HTT-AS: variants seen among roughly 807,000 people sequenced by gnomAD.
The protein encoded by HTT-AS is HTT antisense RNA.
chr4:3,069,823 C>G (rs1437531167), intron 1 of HTT-AS, among the ~76,000 whole-genome samples: 1 of 152,204 alleles, frequency 6.6e-6, no homozygotes, highest in Admixed American at 6.5e-5. Flanking sequence ...CTGTTTTGCC[C>G]TCACACCTGC....
At chr4:3,051,361 G>A (rs954386978) in intron 2 of HTT-AS, among the ~76,000 whole-genome samples, 7 of 152,104 alleles carry the variant, frequency 4.6e-5, no homozygotes, top group African/African-American at 1.7e-4. Context: ...CACCGCGCCT[G>A]GCCTTTTGCC....
intron 2 of HTT-AS, among the ~76,000 whole-genome samples, chr4:3,059,005 C>G (rs567315025): frequency 7.1e-4 from 108 of 152,304 alleles, no homozygotes; most frequent in Middle Eastern, 6.8e-3. Context: ...CAAGCATGAG[C>G]TACCCCACCC....
exon 1 of HTT-AS, chr4:3,074,518 T>C (rs1400919887): frequency 1.1e-5 from 3 of 282,336 alleles, no homozygotes. Flanking sequence ...CCTTGCTGTG[T>C]GAGGCAGAAC....
intron 1 of HTT-AS, among the ~76,000 whole-genome samples, chr4:3,072,208 A>G (rs1712189290): frequency 6.6e-6 from 1 of 152,178 alleles, no homozygotes; most frequent in Admixed American, 6.5e-5. Flanking sequence ...TCCCTTTCCA[A>G]TCTCACGTGG....
At chr4:3,049,949 T>C (rs867357797) in intron 2 of HTT-AS, among the ~76,000 whole-genome samples, 58 of 133,986 alleles carry the variant, frequency 4.3e-4, no homozygotes, top group Middle Eastern at 3.8e-3. Context: ...CACACACACA[T>C]ATACACTTTT....
intron 2 of HTT-AS, among the ~76,000 whole-genome samples, chr4:3,057,178 C>T (rs1421470201): frequency 2.0e-5 from 3 of 152,088 alleles, no homozygotes; most frequent in East Asian, 1.9e-4. Context: ...GGACTACAGG[C>T]GCCTGCCACC....
chr4:3,068,366 C>A (rs1712095861), intron 1 of HTT-AS, among the ~76,000 whole-genome samples: 1 of 140,954 alleles, frequency 7.1e-6, no homozygotes, highest in Non-Finnish European at 1.5e-5. Context: ...TGAAAGGAAG[C>A]AACTGCCGCC....
intron 2 of HTT-AS, among the ~76,000 whole-genome samples, chr4:3,050,216 C>G (rs1040974262): frequency 6.6e-6 from 1 of 152,208 alleles, no homozygotes; most frequent in Non-Finnish European, 1.5e-5. Context: ...CCAGTTGCTT[C>G]TCCAAATTAG....
chr4:3,070,607 G>A (rs1301700894), intron 1 of HTT-AS, among the ~76,000 whole-genome samples: 1 of 152,080 alleles, frequency 6.6e-6, no homozygotes, highest in Admixed American at 6.6e-5. Context: ...CTGTGTATGT[G>A]TACGCTGTTT....
chr4:3,058,312 A>C (rs1387633591), intron 2 of HTT-AS, among the ~76,000 whole-genome samples: 1 of 151,838 alleles, frequency 6.6e-6, no homozygotes, highest in African/African-American at 2.4e-5. Context: ...CACAACAAGA[A>C]TGAAACTCTG....
intron 2 of HTT-AS, among the ~76,000 whole-genome samples, chr4:3,057,957 G>A (rs751770670): frequency 2.6e-5 from 4 of 151,992 alleles, no homozygotes; most frequent in Non-Finnish European, 5.9e-5. Context: ...ACAAGAGGTG[G>A]ATTATTCATG....
chr4:3,049,906 T>TCACACACA (rs57430954), intron 2 of HTT-AS, among the ~76,000 whole-genome samples: 176 of 134,716 alleles, frequency 1.3e-3, no homozygotes, highest in Non-Finnish European at 2.0e-3. Context: ...TTGTAAGTTA[T>TCACACACA]CACACACACA....
At chr4:3,073,410 G>A (rs1049715456) in intron 1 of HTT-AS, among the ~76,000 whole-genome samples, 11 of 152,224 alleles carry the variant, frequency 7.2e-5, no homozygotes, top group African/African-American at 2.4e-4. Flanking sequence ...TGTCCCAGGC[G>A]TGAGGGGGTG....
chr4:3,059,865 G>A (rs1008893230), intron 2 of HTT-AS, among the ~76,000 whole-genome samples: 4 of 151,400 alleles, frequency 2.6e-5, no homozygotes, highest in East Asian at 1.9e-4. Flanking sequence ...GAGCCACTGC[G>A]CCTGGCCTCA....
exon 3 of HTT-AS, among the ~76,000 whole-genome samples, chr4:3,049,316 C>T (rs1466429344): frequency 1.3e-5 from 2 of 151,978 alleles, no homozygotes; most frequent in Non-Finnish European, 2.9e-5. Flanking sequence ...ACCAGCTACT[C>T]GGAAGGCTGA....
intron 2 of HTT-AS, among the ~76,000 whole-genome samples, chr4:3,051,900 A>G (rs1200311287): frequency 6.6e-6 from 1 of 152,138 alleles, no homozygotes; most frequent in Non-Finnish European, 1.5e-5. Flanking sequence ...AAACAAAAAA[A>G]CTAGATGAGG....
intron 2 of HTT-AS, among the ~76,000 whole-genome samples, chr4:3,056,499 T>C (rs1711806581): frequency 6.6e-6 from 1 of 152,244 alleles, no homozygotes; most frequent in Admixed American, 6.5e-5. Flanking sequence ...TTCAATCTTG[T>C]CTACCTATAA....
rs541270371 is a variant in HTT-AS at position 3,072,306 on chromosome 4, C to T, written n.113+2120G>A. On this transcript the variant is annotated intron_variant and non_coding_transcript_variant, in intron 1 of 2. Transcript: ENST00000664062. Reference sequence around the variant, plus strand: ...TGGCCAGAGGCCGCCTTTATGTCCTCGCCATGTGGGCCTCTCCAACATGGC... The same window carrying T: ...TGGCCAGAGGCCGCCTTTATGTCCTTGCCATGTGGGCCTCTCCAACATGGC... 5.2e-5 allele frequency among the ~76,000 whole-genome samples: 8 copies of T among 152,390 alleles called. No homozygotes were observed. In the South Asian group the frequency reaches 1.4e-3, roughly 28 times the overall value.
chr4:3,051,653 T>TAA (rs35425809), intron 2 of HTT-AS, among the ~76,000 whole-genome samples: 1 of 146,010 alleles, frequency 6.8e-6, no homozygotes, highest in South Asian at 2.2e-4. Flanking sequence ...TTGAATGAAT[T>TAA]AAAAAAAAAA....
Sources: gnomAD v4.1 joint callset for allele counts (sites outside exome capture counted in the v4.1 genomes callset) on GRCh38, gnomAD v4.1.1 for gene constraint, MANE v1.5 for transcripts, NCBI Gene and HGNC (gene_info 2026-07-23, HGNC 2026-07-21) for gene names.